Variants in GRAMD1B observed in about 807,000 individuals in gnomAD.
GRAMD1B encodes the protein protein Aster-B.
GRAMD1B carries 37 observed loss-of-function variants against 99.7 expected under a neutral mutation model. That is an observed-to-expected ratio of 0.37 (90% CI 0.29 to 0.49). GRAMD1B has a LOEUF of 0.49. Among genes scored for constraint, GRAMD1B ranks in the 20% least tolerant of loss-of-function variants. GRAMD1B has a pLI of 0.98. For synonymous variants in GRAMD1B, 427 were observed against 387.6 expected (o/e 1.10, Z -1.19); for missense variants, 888 against 1,009.2 (o/e 0.88, Z 1.63).
rs1948842734 is a variant in GRAMD1B, at chr11:123,430,815, A to C, written c.23A>C (p.Glu8Ala). The C allele has an allele frequency of 1.4e-6, 1 of 693,892 alleles. No individual in the cohort carries two copies. Among genetic ancestry groups the C allele is most frequent in the Admixed American group, 2.0e-5 (1 of 49,104 alleles). The allele number at this position is 693,892 out of a possible 1,614,324, so 43.0% of individuals were successfully genotyped here. The part of the protein sequence containing the change: MPAANMM[E>A]NRPLPALQVP... ...CCCATGCCGGCGGCCAACATGATGGAGAACCGGCCGCTGCCCGCCCTGCAG... is the reference window on the plus strand; with the variant it reads ...CCCATGCCGGCGGCCAACATGATGGCGAACCGGCCGCTGCCCGCCCTGCAG... Residue 8 changes from glutamate (E) to alanine (A), a missense_variant, in exon 1 of 20, where the codon GAG becomes GCG. Around this residue, in one of 5 missense-constraint regions of GRAMD1B, gnomAD observed 233 missense variants for 154.6 expected, o/e 1.51. Transcript: ENST00000635736.
At chr11:123,441,008 T>C (rs573774482) in intron 1 of GRAMD1B, among the ~76,000 whole-genome samples, 26 of 152,334 alleles carry the variant, frequency 1.7e-4, no homozygotes, top group East Asian at 1.5e-3. Flanking sequence ...ATGTGAGATG[T>C]GCCTTTCACC....
chr11:123,512,246 T>C (rs1941099401), intron 2 of GRAMD1B, among the ~76,000 whole-genome samples: 1 of 152,258 alleles, frequency 6.6e-6, no homozygotes, highest in Non-Finnish European at 1.5e-5. Flanking sequence ...AACGCTGCTG[T>C]CTGTCTTCAC....
At chr11:123,495,452 G>T (rs976201172) in intron 2 of GRAMD1B, among the ~76,000 whole-genome samples, 11 of 152,034 alleles carry the variant, frequency 7.2e-5, no homozygotes, top group African/African-American at 2.7e-4. Flanking sequence ...ATTTTAAAAT[G>T]TACAATGATT....
chr11:123,407,031 A>G (rs1167728073), intron 1 of GRAMD1B, among the ~76,000 whole-genome samples: 1 of 152,244 alleles, frequency 6.6e-6, no homozygotes, highest in Non-Finnish European at 1.5e-5. Flanking sequence ...CATGTTTAAA[A>G]TGAAACAAAA....
intron 2 of GRAMD1B, among the ~76,000 whole-genome samples, chr11:123,511,607 C>T (rs571329057): frequency 3.3e-5 from 5 of 152,284 alleles, no homozygotes; most frequent in South Asian, 2.1e-4. Flanking sequence ...TGTAATCCTT[C>T]GAGAATATCT....
intron 7 of GRAMD1B, chr11:123,599,270 A>T: frequency 2.7e-6 from 2 of 738,466 alleles, no homozygotes; most frequent in South Asian, 1.3e-5. Flanking sequence ...CCTTATCATC[A>T]TACAAATCCC....
intron 1 of GRAMD1B, among the ~76,000 whole-genome samples, chr11:123,410,228 GA>G (rs1947994350): frequency 6.7e-6 from 1 of 150,350 alleles, no homozygotes; most frequent in South Asian, 2.1e-4. Context: ...CAAAAAAACA[GA>G]AACAAAAACA....
At chr11:123,609,677 C>G in intron 12 of GRAMD1B, 118 bp from the exon 13 acceptor site, 3 of 628,716 alleles carry the variant, frequency 4.8e-6, no homozygotes. Flanking sequence ...CCATTGGCTT[C>G]CTTTTGGGGG....
intron 3 of GRAMD1B, among the ~76,000 whole-genome samples, chr11:123,582,963 C>T (rs1225920987): frequency 6.6e-6 from 1 of 152,170 alleles, no homozygotes; most frequent in Non-Finnish European, 1.5e-5. Context: ...AATCTAAGCT[C>T]CACCGAGAGA....
intron 2 of GRAMD1B, among the ~76,000 whole-genome samples, chr11:123,567,327 C>T (rs530518793): frequency 1.8e-4 from 27 of 152,316 alleles, no homozygotes; most frequent in Admixed American, 1.2e-3. Context: ...TGAACCTTTT[C>T]CCCAGCAGCT....
In GRAMD1B at chr11:123,591,647, C is replaced by T. The variant is rs541458705; in HGVS notation, c.685-2435C>T. 2.2e-4 allele frequency: 88 copies of T among 396,678 alleles called. No homozygotes were observed. The highest frequency in any genetic ancestry group is 2.1e-3 in the East Asian group (59 of 27,988). 24.6% of individuals were successfully genotyped at this position (396,678 alleles called of 1,614,324 possible). A position where few individuals can be genotyped will look rare whatever the true frequency, so the allele number is the denominator to read the frequency against. On this transcript the variant is annotated intron_variant, in intron 4 of 19. Transcript: ENST00000635736. The surrounding 1 kb of genome is among the most constrained non-coding windows in gnomAD (Gnocchi z 4.7). Reference sequence around the variant, plus strand: ...GCCCCAGATTTGACAATCTTGGAACCGAAATTATTTGACCATTTTAAATTG... The same window carrying T: ...GCCCCAGATTTGACAATCTTGGAACTGAAATTATTTGACCATTTTAAATTG...
intron 2 of GRAMD1B, among the ~76,000 whole-genome samples, chr11:123,552,472 A>G (rs1197389120): frequency 1.3e-5 from 2 of 151,734 alleles, no homozygotes; most frequent in African/African-American, 4.8e-5. Context: ...ACGGGGTTTC[A>G]CCATGCTGGC....
intron 14 of GRAMD1B, among the ~76,000 whole-genome samples, chr11:123,611,191 T>G (rs969842097): frequency 5.1e-5 from 7 of 136,668 alleles, no homozygotes; most frequent in Non-Finnish European, 3.3e-5. Flanking sequence ...TTCACACATT[T>G]TGGGAGGCTT....
Position 123,605,614 on chromosome 11 carries a change from A to AT in GRAMD1B, c.1323+138dup, listed in dbSNP as rs567212057. On this transcript the variant is annotated intron_variant, in intron 10 of 19. Coordinates refer to ENST00000635736, the MANE Select transcript of GRAMD1B (RefSeq NM_001387025.1). ...TTGTTGTCAGTTTCTTCAAGGAGGC[A>AT]TTCTGGAGCAGATGGGCTCTCCGTA... 559 of 712,086 alleles carry AT rather than the reference A, an allele frequency of 7.9e-4. 8 individuals are homozygous for AT. The South Asian group carries it at 0.011, about 14-fold the overall frequency. The allele number at this position is 712,086 out of a possible 1,614,324, so 44.1% of individuals were successfully genotyped here. A position where few individuals can be genotyped will look rare whatever the true frequency, so the allele number is the denominator to read the frequency against.
At chr11:123,602,077 G>A (rs1159526082) in intron 8 of GRAMD1B, among the ~76,000 whole-genome samples, 1 of 152,162 alleles carries the variant, frequency 6.6e-6, no homozygotes, top group Non-Finnish European at 1.5e-5. Flanking sequence ...GCCAGAGATA[G>A]GAGGGGGAGG....
chr11:123,602,949 G>T (rs903980289), intron 8 of GRAMD1B, among the ~76,000 whole-genome samples: 2 of 152,222 alleles, frequency 1.3e-5, no homozygotes, highest in African/African-American at 2.4e-5. Context: ...AAGTGATCCA[G>T]TAGGGTCTGT....
At chr11:123,487,534 ACGTC>A (rs1300329782) in intron 2 of GRAMD1B, among the ~76,000 whole-genome samples, 2 of 152,370 alleles carry the variant, frequency 1.3e-5, no homozygotes, top group Non-Finnish European at 1.5e-5. Flanking sequence ...TGGTCATGCC[ACGTC>A]CTGCTGTGAT....
At chr11:123,456,919 C>CAAAAAAAAAAA (rs546768047) in intron 1 of GRAMD1B, among the ~76,000 whole-genome samples, 1 of 81,822 alleles carries the variant, frequency 1.2e-5, no homozygotes, top group Non-Finnish European at 2.3e-5. Context: ...GACTCTGTCT[C>CAAAAAAAAAAA]AAAAAAAAAA....
At position 123,619,117 on chromosome 11, in the gene GRAMD1B, T is replaced by C; in HGVS notation, c.2437T>C (p.Ser813Pro). The change falls in exon 19 of 20, where the codon TCT becomes CCT. Residue 813 changes from serine to proline, a missense_variant. This residue lies in a region of GRAMD1B where 232 missense variants were observed against 261.7 expected (regional missense o/e 0.89). Transcript: ENST00000635736. Reference protein sequence around the residue: ...GLRLQERLPQSQTEWAQLLES... With the variant: ...GLRLQERLPQPQTEWAQLLES... ...TCTTCTACCCCACAGGTTACCCCAGTCTCAGACAGAATGGGCCCAGCTCTT... is the reference window on the plus strand; with the variant it reads ...TCTTCTACCCCACAGGTTACCCCAGCCTCAGACAGAATGGGCCCAGCTCTT... 3 of 1,551,712 alleles carry C rather than the reference T, an allele frequency of 1.9e-6. No individual in the cohort carries two copies. The highest frequency in any genetic ancestry group is 2.6e-6 in the Non-Finnish European group (3 of 1,144,218).
Sources: gnomAD v4.1 joint callset for allele counts (sites outside exome capture counted in the v4.1 genomes callset) on GRCh38, gnomAD v4.1.1 for gene constraint, gnomAD v4.1.1 regional missense constraint, Gnocchi (gnomAD v3.1) non-coding constraint, MANE v1.5 for transcripts, NCBI Gene and HGNC (gene_info 2026-07-23, HGNC 2026-07-21) for gene names.